Variants in KIRREL1 observed in about 807,000 individuals in gnomAD.
KIRREL1 encodes the protein kin of IRRE-like protein 1.
Under a neutral mutation model 83.3 loss-of-function variants are expected in KIRREL1, and 25 were observed. The ratio of observed to expected loss-of-function variants is 0.30; its 90% CI spans 0.22 to 0.42. KIRREL1 has a LOEUF of 0.42. KIRREL1 is among the 10% of genes least tolerant of loss of function. The probability of loss-of-function intolerance (pLI) is 1.00; values close to 1 mark genes in which losing one functional copy is unlikely to be tolerated. For synonymous variants in KIRREL1, 388 were observed against 410.4 expected, an observed-to-expected ratio of 0.95 and a Z score of 0.66; for missense variants, 812 against 1,032.3, an observed-to-expected ratio of 0.79 and a Z score of 2.92.
At position 158,055,477 on chromosome 1, in the gene KIRREL1, T is replaced by G. The variant is rs529001272; in HGVS notation, c.53-20636T>G. 3.3e-5 allele frequency among the ~76,000 whole-genome samples: 5 copies of G among 152,306 alleles called. No homozygotes were observed. In the South Asian group the frequency reaches 6.2e-4, roughly 19 times the overall value. On this transcript the variant is annotated intron_variant, in intron 1 of 14. Coordinates refer to ENST00000359209, the MANE Select transcript of KIRREL1 (RefSeq NM_018240.7). ...TCTTTGTTAAGAAACAGGTGAATTA[T>G]GTATCAGTAGCCTCAGTTTCCCCAA... is the stretch of plus-strand genomic sequence containing the variant.
intron 1 of KIRREL1, among the ~76,000 whole-genome samples, chr1:158,012,068 A>C (rs1221936317): frequency 6.6e-6 from 1 of 150,840 alleles, no homozygotes; most frequent in Non-Finnish European, 1.5e-5. Flanking sequence ...TGTTTTTCAT[A>C]GTGTATCTCC....
chr1:158,041,298 T>C (rs1438008999), intron 1 of KIRREL1, among the ~76,000 whole-genome samples: 1 of 152,214 alleles, frequency 6.6e-6, no homozygotes, highest in Non-Finnish European at 1.5e-5. Flanking sequence ...AACTCCCGTG[T>C]GCCACTCACA....
intron 3 of KIRREL1, among the ~76,000 whole-genome samples, chr1:158,081,354 G>C (rs943846445): frequency 6.6e-6 from 1 of 152,200 alleles, no homozygotes; most frequent in Non-Finnish European, 1.5e-5. Flanking sequence ...GGGATTAAAT[G>C]AAGTCATATA....
chr1:158,060,758 G>A (rs1223691055), intron 1 of KIRREL1, among the ~76,000 whole-genome samples: 1 of 152,184 alleles, frequency 6.6e-6, no homozygotes, highest in Non-Finnish European at 1.5e-5. Context: ...GCAATACAAG[G>A]TATTGAGGAA....
rs567732447 is a variant in KIRREL1 at position 158,045,541 on chromosome 1, G to C, written c.53-30572G>C. ...GATGAACCAAATGAAGAGACACACA[G>C]GACCAGCTGTGAGAGGGTCCCAAGC... On this transcript the variant is annotated intron_variant, in intron 1 of 14. Transcript: ENST00000359209. Among the ~76,000 whole-genome samples, 43 of 152,308 alleles carry C rather than the reference G, an allele frequency of 2.8e-4. 2 individuals are homozygous for C. In the South Asian group the frequency reaches 8.7e-3, roughly 31 times the overall value.
chr1:158,088,790 C>T (rs1662102780), intron 8 of KIRREL1, among the ~76,000 whole-genome samples: 1 of 152,144 alleles, frequency 6.6e-6, no homozygotes, highest in Non-Finnish European at 1.5e-5. Flanking sequence ...GGCCTTACTG[C>T]GTGTTCTGAA....
chr1:157,996,429 C>G (rs1011993685), intron 1 of KIRREL1, among the ~76,000 whole-genome samples: 1 of 151,904 alleles, frequency 6.6e-6, no homozygotes, highest in South Asian at 2.1e-4. Context: ...GGATGACAGG[C>G]CGGCTCGGGG....
chr1:158,072,630 G>C (rs928825184), intron 1 of KIRREL1, among the ~76,000 whole-genome samples: 6 of 152,126 alleles, frequency 3.9e-5, no homozygotes, highest in Non-Finnish European at 8.8e-5. Flanking sequence ...GCCTGTGCAA[G>C]GGCATGAAGA....
chr1:158,089,937 A>C, intron 10 of KIRREL1, 119 bp downstream of exon 10: 1 of 803,422 alleles, frequency 1.2e-6, no homozygotes, highest in Non-Finnish European at 2.1e-6. Flanking sequence ...TCCATCCTCG[A>C]ATCTTCTGCT....
At chr1:158,005,689 T>C (rs1659497253) in intron 1 of KIRREL1, among the ~76,000 whole-genome samples, 1 of 152,122 alleles carries the variant, frequency 6.6e-6, no homozygotes, top group Non-Finnish European at 1.5e-5. Flanking sequence ...TTGCATGATT[T>C]GGGAAGGAAG....
At chr1:158,083,067 G>A (rs189021932) in intron 3 of KIRREL1, among the ~76,000 whole-genome samples, 1 of 152,170 alleles carries the variant, frequency 6.6e-6, no homozygotes, top group African/African-American at 2.4e-5. Context: ...TATATCAGAA[G>A]CAGCCGCTAC....
In KIRREL1 at chr1:158,099,537, A is replaced by G. The variant is rs1363274170; in HGVS notation, c.*4417A>G. On this transcript the variant is annotated 3_prime_UTR_variant, in exon 15 of 15. Transcript: ENST00000359209. Reference sequence around the variant, plus strand: ...TTAGTGGGGAATCCCATTTTTTTGCATCACTGTGAGGTAGCTTCAGGCCCT... The same window carrying G: ...TTAGTGGGGAATCCCATTTTTTTGCGTCACTGTGAGGTAGCTTCAGGCCCT... The G allele has an allele frequency of 6.6e-6, 1 of 152,072 alleles. No individual in the cohort carries two copies. The highest frequency in any genetic ancestry group is 1.5e-5 in the Non-Finnish European group (1 of 68,038). The allele number at this position is 152,072 out of a possible 1,614,324, so 9.4% of individuals were successfully genotyped here.
At chr1:158,081,389 G>A (rs1209718809) in intron 3 of KIRREL1, among the ~76,000 whole-genome samples, 1 of 152,194 alleles carries the variant, frequency 6.6e-6, no homozygotes, top group East Asian at 1.9e-4. Context: ...GCTGACACAA[G>A]GTGAACGTTC....
At chr1:158,074,793 T>C (rs565886027) in intron 1 of KIRREL1, among the ~76,000 whole-genome samples, 37 of 152,162 alleles carry the variant, frequency 2.4e-4, no homozygotes, top group African/African-American at 8.9e-4. Context: ...TAGAGGGACA[T>C]CTTGGAGTGG....
chr1:157,999,663 C>T (rs1659300975), intron 1 of KIRREL1, among the ~76,000 whole-genome samples: 1 of 151,588 alleles, frequency 6.6e-6, no homozygotes, highest in African/African-American at 2.4e-5. Context: ...GGTTTCTTCC[C>T]AGGGCCTCTG....
At chr1:158,052,265 T>C (rs915946081) in intron 1 of KIRREL1, among the ~76,000 whole-genome samples, 1 of 152,170 alleles carries the variant, frequency 6.6e-6, no homozygotes, top group Non-Finnish European at 1.5e-5. Flanking sequence ...TGCTAACATT[T>C]ATCTCCTGCC....
chr1:158,094,748 C>T lies in KIRREL1; in HGVS notation c.1902C>T (p.Asp634=), dbSNP rs142272439. 580 of 1,613,730 alleles carry T rather than the reference C, an allele frequency of 3.6e-4. 2 individuals are homozygous for T. In the African/African-American group the frequency reaches 6.6e-3, roughly 18 times the overall value. ...DYRAPGPARF[D]GRPSSRLSHS... ...GTGCCCCTGGCCCTGCCCGCTTCGACGGCCGCCCCTCATCCCGTCTCTCCC... is the reference window on the plus strand; with the variant it reads ...GTGCCCCTGGCCCTGCCCGCTTCGATGGCCGCCCCTCATCCCGTCTCTCCC... Residue 634 remains aspartate, a synonymous_variant, in exon 15 of 15, where the codon GAC becomes GAT. Coordinates refer to ENST00000359209, the MANE Select transcript of KIRREL1 (RefSeq NM_018240.7). The surrounding 1 kb of genome is among the most constrained non-coding windows in gnomAD (Gnocchi z 4.6).
At chr1:158,032,533 A>T (rs1475107539) in intron 1 of KIRREL1, among the ~76,000 whole-genome samples, 1 of 152,180 alleles carries the variant, frequency 6.6e-6, no homozygotes, top group Admixed American at 6.5e-5. Context: ...TGAAGGCAGA[A>T]TTTAAAAACT....
chr1:158,090,505 G>A (rs546732141), intron 10 of KIRREL1, among the ~76,000 whole-genome samples: 6 of 152,252 alleles, frequency 3.9e-5, no homozygotes, highest in African/African-American at 9.6e-5. Flanking sequence ...TACCACGGCC[G>A]CCCGGGCAGC....
Sources: allele counts gnomAD v4.1 joint callset (sites outside exome capture counted in the v4.1 genomes callset), GRCh38; gene constraint gnomAD v4.1.1; non-coding constraint Gnocchi (gnomAD v3.1); transcripts MANE v1.5; gene names NCBI Gene and HGNC (gene_info 2026-07-23, HGNC 2026-07-21).